MSL2: variants seen among roughly 807,000 people sequenced by gnomAD.
The protein encoded by MSL2 is MSL complex subunit 2.
In MSL2, 2 loss-of-function variants were observed where a neutral mutation model predicts 35.8. That is an observed-to-expected ratio of 0.06 (90% confidence interval 0.02 to 0.18). MSL2 has a LOEUF of 0.18. Among genes scored for constraint, MSL2 ranks in the 10% least tolerant of loss-of-function variants. MSL2 has a pLI of 1.00. For synonymous variants in MSL2, 296 were observed against 255.7 expected (o/e 1.16, Z -1.50); for missense variants, 523 against 706.7 (o/e 0.74, Z 2.95).
At chr3:136,187,684 T>A (rs930769913) in intron 1 of MSL2, among the ~76,000 whole-genome samples, 62 of 149,864 alleles carry the variant, frequency 4.1e-4, no homozygotes, top group East Asian at 9.7e-4. Context: ...AAAAAAAAAA[T>A]TTTTTTTGAC....
chr3:136,167,073 T>A (rs1939873492), intron 1 of MSL2, among the ~76,000 whole-genome samples: 1 of 152,034 alleles, frequency 6.6e-6, no homozygotes, highest in Non-Finnish European at 1.5e-5. Flanking sequence ...AGAAAAAAAA[T>A]ATATAAAACT....
chr3:136,158,819 T>C (rs1939608955), intron 1 of MSL2, among the ~76,000 whole-genome samples: 2 of 152,190 alleles, frequency 1.3e-5, no homozygotes, highest in Non-Finnish European at 2.9e-5. Context: ...CATTTCTATA[T>C]GCTAGGAATG....
At chr3:136,165,023 A>C (rs1442403965) in intron 1 of MSL2, among the ~76,000 whole-genome samples, 1 of 152,032 alleles carries the variant, frequency 6.6e-6, no homozygotes, top group Non-Finnish European at 1.5e-5. Context: ...ACAGGTGAGC[A>C]CCACTGCGTC....
chr3:136,175,437 G>A lies in MSL2; in HGVS notation c.142+19535C>T, dbSNP rs571463291. On this transcript the variant is annotated intron_variant, in intron 1 of 1. Coordinates refer to ENST00000309993, the MANE Select transcript of MSL2 (RefSeq NM_018133.4). Reference sequence around the variant, plus strand: ...GCAGTGGCTCACACTTACAATACCAGCATTTTGGGAGGCTGGGGCAGGAGG... The same window carrying A: ...GCAGTGGCTCACACTTACAATACCAACATTTTGGGAGGCTGGGGCAGGAGG... Among the ~76,000 whole-genome samples, 65 of 151,968 alleles carry A rather than the reference G, an allele frequency of 4.3e-4. 1 individual carries two copies. In the South Asian group the frequency reaches 0.013, roughly 30 times the overall value.
At chr3:136,169,248 G>T (rs1181654762) in intron 1 of MSL2, among the ~76,000 whole-genome samples, 3 of 52,552 alleles carry the variant, frequency 5.7e-5, no homozygotes, top group East Asian at 8.8e-4. Flanking sequence ...GGGGGGGGGG[G>T]GGGGTGCTTA....
chr3:136,158,628 G>C (rs1308074323), intron 1 of MSL2, among the ~76,000 whole-genome samples: 2 of 149,528 alleles, frequency 1.3e-5, no homozygotes, highest in African/African-American at 4.9e-5. Flanking sequence ...GGTTCAAAAG[G>C]AAAAGAAAAA....
At chr3:136,166,062 TAAAAA>T (rs34420183) in intron 1 of MSL2, among the ~76,000 whole-genome samples, 2 of 80,074 alleles carry the variant, frequency 2.5e-5, no homozygotes, top group Non-Finnish European at 4.7e-5. Context: ...TACGTACCAG[TAAAAA>T]AAAAAAAAAA....
chr3:136,162,229 C>G (rs1453606416), intron 1 of MSL2, among the ~76,000 whole-genome samples: 1 of 151,104 alleles, frequency 6.6e-6, no homozygotes, highest in Non-Finnish European at 1.5e-5. Flanking sequence ...AGCCACAACA[C>G]CTGGCCCTAT....
chr3:136,193,516 T>C (rs1192090215), intron 1 of MSL2, among the ~76,000 whole-genome samples: 1 of 150,292 alleles, frequency 6.7e-6, no homozygotes, highest in Non-Finnish European at 1.5e-5. Flanking sequence ...AAAAAAAGTA[T>C]ATGGAGAAGG....
At chr3:136,169,037 G>A (rs1939934233) in intron 1 of MSL2, among the ~76,000 whole-genome samples, 1 of 151,996 alleles carries the variant, frequency 6.6e-6, no homozygotes, top group African/African-American at 2.4e-5. Flanking sequence ...TCAAAAGACA[G>A]GATGGTAACT....
In MSL2 at chr3:136,151,421, C is replaced by T. The variant is rs867479221; in HGVS notation, c.1460G>A (p.Arg487His). 1.2e-6 allele frequency: 2 copies of T among 1,614,138 alleles called. No individual in the cohort carries two copies. Among genetic ancestry groups the T allele is most frequent in the Non-Finnish European group, 1.7e-6 (2 of 1,180,026 alleles). Residue 487 changes from arginine to histidine, a missense_variant, in exon 2 of 2, where the codon CGC (arginine) becomes CAC (histidine). This residue lies in a region of MSL2 where 16 missense variants were observed against 86.1 expected (regional missense o/e 0.19). Transcript: ENST00000309993. The surrounding 1 kb of genome is among the most constrained non-coding windows in gnomAD (Gnocchi z 5.2). The stretch of plus-strand genomic sequence containing the variant: ...ACATATACAATCTAAGCAGGCTTTG[C>T]GGTTAGAGTAGCAAGGGCAGCGTTG... Reference protein sequence around the residue: ...RGQRCPCYSNRKACLDCICRG... With the variant: ...RGQRCPCYSNHKACLDCICRG...
chr3:136,191,509 G>C (rs866477634), intron 1 of MSL2, among the ~76,000 whole-genome samples: 9 of 150,596 alleles, frequency 6.0e-5, no homozygotes, highest in African/African-American at 1.7e-4. Context: ...AGGAGCCACA[G>C]TGGCTTACAC....
chr3:136,152,113 G>A lies in MSL2; in HGVS notation c.768C>T (p.Phe256=), dbSNP rs1222232728. 12 of 1,614,140 alleles carry A rather than the reference G, an allele frequency of 7.4e-6. No individual in the cohort carries two copies. The highest frequency in any genetic ancestry group is 1.3e-5 in the African/African-American group (1 of 75,036). Residue 256 remains phenylalanine (F), a synonymous_variant, in exon 2 of 2, where the codon TTC becomes TTT. Transcript: ENST00000309993. ...LCSTGIDICS[F]SEDIKPGDSL... is the part of the protein sequence containing the mutation. ...AGTCTCCAGGTTTTATATCTTCACT[G>A]AAACTGCAGATATCAATGCCTGTGG...
At chr3:136,181,870 C>G (rs1212791333) in intron 1 of MSL2, among the ~76,000 whole-genome samples, 2 of 151,876 alleles carry the variant, frequency 1.3e-5, no homozygotes, top group East Asian at 3.8e-4. Flanking sequence ...AGTGAGCCAA[C>G]ACAGTGTCAC....
At chr3:136,172,554 AT>A (rs1230617673) in intron 1 of MSL2, among the ~76,000 whole-genome samples, 1 of 152,026 alleles carries the variant, frequency 6.6e-6, no homozygotes, top group Non-Finnish European at 1.5e-5. Flanking sequence ...CTGGTTCATT[AT>A]TCTTCCCTTG....
chr3:136,190,234 ATCTT>A (rs748623764), intron 1 of MSL2, among the ~76,000 whole-genome samples: 285 of 152,296 alleles, frequency 1.9e-3, no homozygotes, highest in Non-Finnish European at 2.4e-3. Flanking sequence ...TGTCTTATTC[ATCTT>A]TCTATCTTAG....
Position 136,195,478 on chromosome 3 carries a change from C to G in MSL2, c.-365G>C. 7 of 1,020,310 alleles carry G rather than the reference C, an allele frequency of 6.9e-6. No homozygotes were observed. The highest frequency in any genetic ancestry group is 8.2e-6 in the Non-Finnish European group (7 of 852,274). 63.2% of individuals were successfully genotyped at this position (1,020,310 alleles called of 1,614,324 possible). On this transcript the variant is annotated 5_prime_UTR_variant, in exon 1 of 2. Transcript: ENST00000309993. ...GGCGGCCTGCACTCGAGCTCCATCTCCGGACACGGAGGCGCCTCCTCAAGT... is the reference window on the plus strand; with the variant it reads ...GGCGGCCTGCACTCGAGCTCCATCTGCGGACACGGAGGCGCCTCCTCAAGT...
intron 1 of MSL2, among the ~76,000 whole-genome samples, chr3:136,155,123 C>T (rs1340119078): frequency 6.6e-6 from 1 of 151,774 alleles, no homozygotes; most frequent in Non-Finnish European, 1.5e-5. Flanking sequence ...GCAGGACAAT[C>T]GCTTGAACCC....
intron 1 of MSL2, chr3:136,155,663 C>A (rs144606881): frequency 6.3e-6 from 3 of 476,794 alleles, no homozygotes; most frequent in African/African-American, 4.0e-5. Flanking sequence ...AGGACAGTAA[C>A]GAGCTAAACA....
Sources: allele counts gnomAD v4.1 joint callset (sites outside exome capture counted in the v4.1 genomes callset), GRCh38; gene constraint gnomAD v4.1.1; regional missense constraint gnomAD v4.1.1; non-coding constraint Gnocchi (gnomAD v3.1); transcripts MANE v1.5; gene names NCBI Gene and HGNC (gene_info 2026-07-23, HGNC 2026-07-21).